The following HDGFL3 variants were observed in gnomAD, a reference collection of about 807,000 sequenced individuals.
The protein encoded by HDGFL3 is hepatoma-derived growth factor-related protein 3.
In HDGFL3, 6 loss-of-function variants were observed where a neutral mutation model predicts 27.6. That is an observed-to-expected ratio of 0.22 (90% CI 0.12 to 0.43). The LOEUF (loss-of-function observed/expected upper bound fraction) is 0.43. Among genes scored for constraint, HDGFL3 ranks in the 20% least tolerant of loss-of-function variants. The probability of loss-of-function intolerance (pLI) is 1.00; values close to 1 mark genes in which losing one functional copy is unlikely to be tolerated. For missense variants in HDGFL3, 207 were observed against 250.1 expected (o/e 0.83, Z 1.16); for synonymous variants, 88 against 88.9 (o/e 0.99, Z 0.05).
rs569641399 is a variant in HDGFL3 at position 83,207,064 on chromosome 15, G to A, written c.84+267C>T. On this transcript the variant is annotated intron_variant, in intron 1 of 5. Coordinates refer to ENST00000299633, the MANE Select transcript of HDGFL3 (RefSeq NM_016073.4). The surrounding 1 kb of genome is among the most constrained non-coding windows in gnomAD (Gnocchi z 4.8). ...TTCCCGGTCGGCACCGGCTTTCCAG[G>A]AGGAAGGCAGCGTCGGGCCTGCGGG... 3.9e-5 allele frequency among the ~76,000 whole-genome samples: 6 copies of A among 152,310 alleles called. No homozygotes were observed. The highest frequency in any genetic ancestry group is 3.9e-4 in the East Asian group (2 of 5,156).
rs1445883988 is a variant in HDGFL3, at chr15:83,132,532, T to C, written c.*6738A>G. The C allele has an allele frequency of 2.0e-5, 3 of 150,044 alleles. No individual in the cohort carries two copies. The East Asian group carries it at 5.8e-4, about 29-fold the overall frequency. The allele number at this position is 150,044 out of a possible 1,614,324, so 9.3% of individuals were successfully genotyped here. On this transcript the variant is annotated 3_prime_UTR_variant, in exon 6 of 6. Transcript: ENST00000299633. ...GGAAACTTACGTGTGAATAATTTGG[T>C]TGTGAAGAGTTTACTGAAGTAAATT... is the stretch of plus-strand genomic sequence containing the variant.
At chr15:83,146,216 A>G (rs989287650) in intron 5 of HDGFL3, among the ~76,000 whole-genome samples, 2 of 152,060 alleles carry the variant, frequency 1.3e-5, no homozygotes, top group Admixed American at 1.3e-4. Context: ...AACCACTGGG[A>G]GTAACTGTAA....
intron 1 of HDGFL3, among the ~76,000 whole-genome samples, chr15:83,165,767 C>A (rs1380242419): frequency 7.4e-6 from 1 of 135,836 alleles, no homozygotes; most frequent in African/African-American, 2.9e-5. Flanking sequence ...TGCACTCCAG[C>A]CTGGATGACA....
intron 4 of HDGFL3, among the ~76,000 whole-genome samples, chr15:83,153,227 C>G (rs1171400811): frequency 6.6e-6 from 1 of 152,082 alleles, no homozygotes; most frequent in African/African-American, 2.4e-5. Flanking sequence ...GTCTCGTTAG[C>G]CAGGATGGTC....
rs114897481 is a variant in HDGFL3 at position 83,201,122 on chromosome 15, C to A, written c.84+6209G>T. On this transcript the variant is annotated intron_variant, in intron 1 of 5. Transcript: ENST00000299633. Reference sequence around the variant, plus strand: ...AGCAAATTATTTTACGTATTAGGACCACTATTGACCTTTAAAGATCCTTCA... The same window carrying A: ...AGCAAATTATTTTACGTATTAGGACAACTATTGACCTTTAAAGATCCTTCA... Among the ~76,000 whole-genome samples, 1,159 of 152,038 alleles carry A rather than the reference C, an allele frequency of 7.6e-3. 18 individuals are homozygous for A. The highest frequency in any genetic ancestry group is 0.027 in the African/African-American group (1,115 of 41,482).
chr15:83,156,311 A>G (rs565453760), intron 4 of HDGFL3, among the ~76,000 whole-genome samples: 4 of 152,234 alleles, frequency 2.6e-5, no homozygotes, highest in Non-Finnish European at 2.9e-5. Context: ...GACCTATTTT[A>G]GGTCCCCCTG....
chr15:83,187,643 C>T (rs1024767173), intron 1 of HDGFL3, among the ~76,000 whole-genome samples: 1 of 152,104 alleles, frequency 6.6e-6, no homozygotes, highest in African/African-American at 2.4e-5. Context: ...AATCCCAGCA[C>T]TTTGGGAGGC....
intron 3 of HDGFL3, 144 bp from the exon 4 acceptor site, chr15:83,157,717 T>C: frequency 1.0e-6 from 1 of 984,580 alleles, no homozygotes; most frequent in South Asian, 1.6e-5. Flanking sequence ...AAACTGAATT[T>C]TCCAATGGAC....
intron 1 of HDGFL3, among the ~76,000 whole-genome samples, chr15:83,167,801 C>A (rs1429290411): frequency 6.6e-6 from 1 of 152,162 alleles, no homozygotes; most frequent in Non-Finnish European, 1.5e-5. Flanking sequence ...CAAAGAAATT[C>A]TGGATTTAAA....
intron 1 of HDGFL3, among the ~76,000 whole-genome samples, chr15:83,193,187 C>T (rs576582200): frequency 5.9e-5 from 9 of 152,278 alleles, no homozygotes; most frequent in African/African-American, 1.9e-4. Flanking sequence ...AATCATAGAT[C>T]TCCTAAGAAG....
chr15:83,124,311 C>G (rs2035536488), downstream of HDGFL3, among the ~76,000 whole-genome samples: 1 of 151,980 alleles, frequency 6.6e-6, no homozygotes, highest in Non-Finnish European at 1.5e-5. Flanking sequence ...GTGTATGTAA[C>G]TATATCTATT....
In HDGFL3 at chr15:83,151,353, A is replaced by G. The variant is rs373842926; in HGVS notation, c.468T>C (p.Ser156=). The G allele has an allele frequency of 5.6e-6, 9 of 1,608,398 alleles. No homozygotes were observed. The Admixed American group carries it at 1.2e-4, about 21-fold the overall frequency. The change falls in exon 5 of 6, where the codon TCT becomes TCC. Residue 156 remains serine (S), a synonymous_variant. Coordinates refer to ENST00000299633, the MANE Select transcript of HDGFL3 (RefSeq NM_016073.4). ...CTCCTGGAGATTTCCGGGACTGTTT[A>G]GAGGATTTCTAAATGTTTAGACAAG... ...RKKSYTSKKS[S]KQSRKSPGDE...
chr15:83,117,098 T>C (rs999927392), intron 3 of HDGFL3, among the ~76,000 whole-genome samples: 1 of 152,100 alleles, frequency 6.6e-6, no homozygotes, highest in Non-Finnish European at 1.5e-5. Context: ...GGAAGGCTTA[T>C]TGAGTTGGTG....
At chr15:83,122,153 T>C in intron 3 of HDGFL3, 1 of 707,952 alleles carries the variant, frequency 1.4e-6, no homozygotes, top group Non-Finnish European at 2.4e-6. Context: ...TTCTCACCTT[T>C]AAAAAAAGTA....
intron 3 of HDGFL3, among the ~76,000 whole-genome samples, chr15:83,117,565 G>A (rs2034787120): frequency 6.6e-6 from 1 of 152,166 alleles, no homozygotes; most frequent in South Asian, 2.1e-4. Flanking sequence ...GCCCAGAGGA[G>A]GGAGGTTTTA....
At chr15:83,196,205 A>G (rs2037569721) in intron 1 of HDGFL3, among the ~76,000 whole-genome samples, 1 of 151,908 alleles carries the variant, frequency 6.6e-6, no homozygotes, top group Non-Finnish European at 1.5e-5. Context: ...ATATTTGTCC[A>G]TTATATTTAT....
intron 5 of HDGFL3, among the ~76,000 whole-genome samples, chr15:83,143,357 G>T (rs2036820418): frequency 6.6e-6 from 1 of 152,000 alleles, no homozygotes; most frequent in African/African-American, 2.4e-5. Context: ...GGTTGAGGCG[G>T]GCGAATCACT....
exon 4 of HDGFL3, chr15:83,114,635 C>T (rs542803205): frequency 2.6e-5 from 4 of 152,688 alleles, no homozygotes; most frequent in South Asian, 4.1e-4. Context: ...CAGGCAAGGC[C>T]GGCTTCCCTT....
chr15:83,192,436 G>C (rs977185692), intron 1 of HDGFL3: 7 of 386,772 alleles, frequency 1.8e-5, no homozygotes, highest in African/African-American at 1.1e-4. Context: ...ACAGTTAAGA[G>C]AGCAGACATG....
Sources: gnomAD v4.1 joint callset for allele counts (sites outside exome capture counted in the v4.1 genomes callset) on GRCh38, gnomAD v4.1.1 for gene constraint, Gnocchi (gnomAD v3.1) non-coding constraint, MANE v1.5 for transcripts, NCBI Gene and HGNC (gene_info 2026-07-23, HGNC 2026-07-21) for gene names.